KDM6A: variants seen among roughly 807,000 people sequenced by gnomAD.
KDM6A encodes the protein lysine demethylase 6A.
Under a neutral mutation model 117.6 loss-of-function variants are expected in KDM6A, and 11 were observed. The ratio of observed to expected loss-of-function variants is 0.09; its 90% CI spans 0.06 to 0.15. The LOEUF is 0.15. Ranked by LOEUF, KDM6A falls within the 10% of genes least tolerant of loss-of-function variation. The pLI is 1.00. For synonymous variants in KDM6A, 384 were observed against 396.1 expected (o/e 0.97, Z 0.36); for missense variants, 799 against 1,077.3 (o/e 0.74, Z 3.62).
At chrX:44,980,000 T>TC (rs2039813417) in intron 4 of KDM6A, among the ~76,000 whole-genome samples, 1 of 12,613 alleles carries the variant, frequency 7.9e-5, no homozygotes, top group East Asian at 1.0e-3. Context: ...TTTCTTTCCT[T>TC]TTTTTTTTTT....
At chrX:45,041,292 G>A (rs1237888255) in intron 8 of KDM6A, among the ~76,000 whole-genome samples, 3 of 86,520 alleles carry the variant, frequency 3.5e-5, no homozygotes, top group South Asian at 6.7e-4. Flanking sequence ...GCAGCTGGCC[G>A]GGCGGGGGGC....
At chrX:44,993,864 C>A (rs777207978) in intron 4 of KDM6A, among the ~76,000 whole-genome samples, 2 of 111,457 alleles carry the variant, frequency 1.8e-5, no homozygotes, top group Non-Finnish European at 3.8e-5. Flanking sequence ...GACTCCGTCT[C>A]AAGAAAAAAA....
chrX:45,004,409 C>T (rs2041326453), intron 4 of KDM6A, among the ~76,000 whole-genome samples: 1 of 111,608 alleles, frequency 9.0e-6, no homozygotes, highest in African/African-American at 3.3e-5. Flanking sequence ...TTCACATATA[C>T]TTTCTGAGCT....
chrX:45,004,063 G>A (rs2041308955), intron 4 of KDM6A, among the ~76,000 whole-genome samples: 1 of 110,570 alleles, frequency 9.0e-6, no homozygotes, highest in Admixed American at 9.6e-5. Context: ...CCTATTCTTC[G>A]TTGAAAGTCA....
chrX:45,044,421 A>T (rs1188073159), intron 8 of KDM6A, among the ~76,000 whole-genome samples: 1 of 111,400 alleles, frequency 9.0e-6, no homozygotes, highest in Non-Finnish European at 1.9e-5. Flanking sequence ...CTGTTACTGA[A>T]ATGTTAGTTA....
chrX:45,038,522 GTTGA>G (rs2042912129), intron 8 of KDM6A, among the ~76,000 whole-genome samples: 1 of 107,575 alleles, frequency 9.3e-6, no homozygotes, highest in Non-Finnish European at 1.9e-5. Flanking sequence ...TTTTGTGTGT[GTTGA>G]TTAATACACG....
chrX:44,963,475 G>C (rs181415628), intron 3 of KDM6A, among the ~76,000 whole-genome samples: 477 of 24,791 alleles, frequency 0.019, 3 homozygotes, highest in African/African-American at 0.021. Flanking sequence ...GTGTGTGTGT[G>C]TGTGTGTGTG....
rs181929502 is a variant in KDM6A at position 44,927,910 on chromosome X, C to G, written c.226-33374C>G. Among the ~76,000 whole-genome samples the G allele has an allele frequency of 8.1e-5, 9 of 111,101 alleles. No homozygotes were observed. In the East Asian group the frequency reaches 2.3e-3, roughly 28 times the overall value. ...GAAATAGTCCAGGCAAGTCTGTAAA[C>G]AAACAGCAACCACAATAATCTGGGA... On this transcript the variant is annotated intron_variant, in intron 2 of 29. Coordinates refer to ENST00000611820, the MANE Select transcript of KDM6A (RefSeq NM_001291415.2).
intron 17 of KDM6A, among the ~76,000 whole-genome samples, chrX:45,068,631 T>C: frequency 9.5e-6 from 1 of 105,649 alleles, no homozygotes; most frequent in Non-Finnish European, 1.9e-5. Flanking sequence ...AGTGGCACCA[T>C]CTTAGCTCAC....
chrX:44,891,888 T>TTTAAATAAGGAAGAGGAAC (rs1351994126), intron 2 of KDM6A, among the ~76,000 whole-genome samples: 15 of 112,218 alleles, frequency 1.3e-4, no homozygotes, highest in Admixed American at 7.6e-4. Flanking sequence ...TAAAAACACC[T>TTTAAATAAGGAAGAGGAAC]TTAAATAAGG....
chrX:45,082,427 C>T, intron 21 of KDM6A, 149 bp from the exon 22 acceptor site: 1 of 464,142 alleles, frequency 2.2e-6, no homozygotes, highest in Admixed American at 3.6e-5. Context: ...GGAGTCAAAC[C>T]TTGTCTCAAA....
chrX:45,011,028 A>G lies in KDM6A; in HGVS notation c.443+9A>G. Reference sequence around the variant, plus strand: ...TATAATGCATTTCAGTGGTAAGTTGACATAAAACCAGTAATTCAGTCATTT... The same window carrying G: ...TATAATGCATTTCAGTGGTAAGTTGGCATAAAACCAGTAATTCAGTCATTT... On this transcript the variant is annotated intron_variant, in intron 5 of 29. Coordinates refer to ENST00000611820, the MANE Select transcript of KDM6A (RefSeq NM_001291415.2). The G allele has an allele frequency of 8.6e-7, 1 of 1,159,005 alleles. No individual in the cohort carries two copies. The highest frequency in any genetic ancestry group is 1.8e-5 in the African/African-American group (1 of 56,809).
intron 4 of KDM6A, 55 bp downstream of exon 4, chrX:44,974,770 C>A: frequency 1.2e-6 from 1 of 842,982 alleles, no homozygotes; most frequent in Non-Finnish European, 1.8e-6. Context: ...AGATTATTGC[C>A]AATTATACTC....
chrX:45,054,906 C>G (rs2044006992), intron 10 of KDM6A, among the ~76,000 whole-genome samples: 1 of 111,731 alleles, frequency 9.0e-6, no homozygotes, highest in Non-Finnish European at 1.9e-5. Flanking sequence ...ACATTTATTT[C>G]TTTCATCACA....
chrX:45,093,013 A>G (rs2045953168), intron 27 of KDM6A, among the ~76,000 whole-genome samples: 1 of 111,447 alleles, frequency 9.0e-6, no homozygotes, highest in South Asian at 3.7e-4. Context: ...TAAGAAGTTT[A>G]TATATTAATT....
At chrX:44,930,874 C>T (rs1393307849) in intron 2 of KDM6A, among the ~76,000 whole-genome samples, 4 of 111,460 alleles carry the variant, frequency 3.6e-5, no homozygotes, top group Non-Finnish European at 7.5e-5. Context: ...ATCCCCATAC[C>T]TCCAGTCTGA....
intron 2 of KDM6A, among the ~76,000 whole-genome samples, chrX:44,952,733 T>G (rs980049300): frequency 9.0e-6 from 1 of 111,359 alleles, no homozygotes; most frequent in Non-Finnish European, 1.9e-5. Context: ...CCTCCATCCT[T>G]TTTGTGTGTG....
At chrX:44,963,332 A>G (rs2038790773) in intron 3 of KDM6A, among the ~76,000 whole-genome samples, 2 of 109,111 alleles carry the variant, frequency 1.8e-5, no homozygotes, top group Non-Finnish European at 3.8e-5. Flanking sequence ...GGTGGCATGC[A>G]CCTACCCTGG....
chrX:45,051,657 T>C (rs1469576376), intron 8 of KDM6A, 52 bp from the exon 9 acceptor site: 3 of 689,380 alleles, frequency 4.4e-6, no homozygotes, highest in African/African-American at 4.3e-5. Context: ...TATGAAGTAG[T>C]TCCTTAAAGA....
Sources: allele counts gnomAD v4.1 joint callset (sites outside exome capture counted in the v4.1 genomes callset), GRCh38; gene constraint gnomAD v4.1.1; transcripts MANE v1.5; gene names NCBI Gene and HGNC (gene_info 2026-07-23, HGNC 2026-07-21).